Variants in DIP2B observed in about 807,000 individuals in gnomAD.
DIP2B encodes disco-interacting protein 2 homolog B.
DIP2B carries 76 observed loss-of-function variants against 198.0 expected under a neutral mutation model. The ratio of observed to expected loss-of-function variants is 0.38; its 90% CI spans 0.32 to 0.46. The LOEUF (loss-of-function observed/expected upper bound fraction) is 0.46. Ranked by LOEUF, DIP2B falls within the 20% of genes least tolerant of loss-of-function variation. The pLI is 0.99. For synonymous variants in DIP2B, 701 were observed against 739.1 expected, an observed-to-expected ratio of 0.95 and a Z score of 0.84; for missense variants, 1,559 against 1,978.4, an observed-to-expected ratio of 0.79 and a Z score of 4.02.
At chr12:50,720,303 C>CA (rs1373271380) in intron 25 of DIP2B, among the ~76,000 whole-genome samples, 1 of 152,042 alleles carries the variant, frequency 6.6e-6, no homozygotes, top group Non-Finnish European at 1.5e-5. Context: ...GTCACAGGCT[C>CA]AAAGTCTGTG....
Position 50,737,232 on chromosome 12 carries a change from T to C in DIP2B, c.4176+122T>C. 7.9e-6 allele frequency: 7 copies of C among 886,244 alleles called. No individual in the cohort carries two copies. In the South Asian group the frequency reaches 1.2e-4, roughly 15 times the overall value. The allele number at this position is 886,244 out of a possible 1,614,324, so 54.9% of individuals were successfully genotyped here. On this transcript the variant is annotated intron_variant, in intron 35 of 37. Transcript: ENST00000301180. ...CCCCGTTGTGAATGGAGTTAATTTT[T>C]TTCTGTAAGGCATGAGACTGAAATT...
At chr12:50,638,518 G>T (rs1350330445) in intron 2 of DIP2B, among the ~76,000 whole-genome samples, 3 of 152,122 alleles carry the variant, frequency 2.0e-5, no homozygotes, top group East Asian at 1.9e-4. Flanking sequence ...ATTTGTAATG[G>T]CATATAGTAT....
chr12:50,684,913 G>A (rs1415024089), intron 10 of DIP2B, among the ~76,000 whole-genome samples: 2 of 152,050 alleles, frequency 1.3e-5, no homozygotes, highest in South Asian at 2.1e-4. Flanking sequence ...CCAACATGAC[G>A]AAACCCTGTC....
At chr12:50,734,492 TAA>T (rs1171560422) in intron 33 of DIP2B, among the ~76,000 whole-genome samples, 2 of 152,240 alleles carry the variant, frequency 1.3e-5, no homozygotes, top group Non-Finnish European at 2.9e-5. Flanking sequence ...CTCTTTCCTC[TAA>T]GAGTTTAAAA....
chr12:50,602,463 G>A (rs1006069522), intron 1 of DIP2B, among the ~76,000 whole-genome samples: 1 of 151,986 alleles, frequency 6.6e-6, no homozygotes. Context: ...GAGACATGTT[G>A]CCCAGCTGGT....
At chr12:50,680,964 C>T (rs539380978) in intron 9 of DIP2B, among the ~76,000 whole-genome samples, 8 of 152,238 alleles carry the variant, frequency 5.3e-5, no homozygotes, top group Admixed American at 3.9e-4. Context: ...GAAGGAAATT[C>T]GCATGTCCTT....
chr12:50,724,484 T>G (rs1036086312), intron 27 of DIP2B, among the ~76,000 whole-genome samples: 3 of 152,216 alleles, frequency 2.0e-5, no homozygotes, highest in African/African-American at 7.2e-5. Context: ...TCATGAAATC[T>G]TGGGATTGTG....
intron 8 of DIP2B, 98 bp downstream of exon 8, chr12:50,678,974 T>G: frequency 7.5e-7 from 1 of 1,325,756 alleles, no homozygotes; most frequent in Non-Finnish European, 1.0e-6. Context: ...CTGGCCATTA[T>G]GTTTCAGTAG....
rs145725829 is a variant in DIP2B, at chr12:50,574,844, G to C, written c.101-51132G>C. On this transcript the variant is annotated intron_variant, in intron 1 of 37. Coordinates refer to ENST00000301180, the MANE Select transcript of DIP2B (RefSeq NM_173602.3). ...TAGGGAAGAGACCTTGTAACAATTGGCCTCTTGGAAATTGCAGCCAAGGTT... is the reference window on the plus strand; with the variant it reads ...TAGGGAAGAGACCTTGTAACAATTGCCCTCTTGGAAATTGCAGCCAAGGTT... Among the ~76,000 whole-genome samples, 41 of 152,292 alleles carry C rather than the reference G, an allele frequency of 2.7e-4. 1 individual carries two copies. In the East Asian group the frequency reaches 7.7e-3, roughly 29 times the overall value.
Position 50,523,154 on chromosome 12 carries a change from G to T in DIP2B, c.100+17914G>T, listed in dbSNP as rs115094398. Reference sequence around the variant, plus strand: ...TTTCTTCGTAGGGGATTGGTTCCGGGACTCCCCTCAGTTACCAAAATCCAA... The same window carrying T: ...TTTCTTCGTAGGGGATTGGTTCCGGTACTCCCCTCAGTTACCAAAATCCAA... On this transcript the variant is annotated intron_variant, in intron 1 of 37. Coordinates refer to ENST00000301180, the MANE Select transcript of DIP2B (RefSeq NM_173602.3). Among the ~76,000 whole-genome samples, 487 of 152,204 alleles carry T rather than the reference G, an allele frequency of 3.2e-3. 1 individual carries two copies. Among genetic ancestry groups the T allele is most frequent in the African/African-American group, 0.011 (468 of 41,520 alleles).
intron 1 of DIP2B, among the ~76,000 whole-genome samples, chr12:50,561,603 A>G (rs1958519825): frequency 6.6e-6 from 1 of 151,110 alleles, no homozygotes; most frequent in African/African-American, 2.4e-5. Context: ...TTGCATATAT[A>G]AATTTGTTGT....
chr12:50,513,348 G>A (rs1365492261), intron 1 of DIP2B, among the ~76,000 whole-genome samples: 1 of 152,176 alleles, frequency 6.6e-6, no homozygotes, highest in Non-Finnish European at 1.5e-5. Context: ...GACTAGAGCA[G>A]AAGACTTGCT....
At position 50,568,129 on chromosome 12, in the gene DIP2B, TTGAC is replaced by T. The variant is rs200822026; in HGVS notation, c.101-57842_101-57839del. ...CAGTTCTCAGTGTTTGCTCTGCTGT[TTGAC>T]TGACCCTGCCTAAGCACTAATCAGG... On this transcript the variant is annotated intron_variant, in intron 1 of 37. Transcript: ENST00000301180. Among the ~76,000 whole-genome samples the T allele has an allele frequency of 7.5e-4, 115 of 152,354 alleles. 1 individual carries two copies. The East Asian group carries it at 0.014, about 18-fold the overall frequency.
At chr12:50,735,446 G>GT (rs910953740) in intron 34 of DIP2B, among the ~76,000 whole-genome samples, 16 of 137,716 alleles carry the variant, frequency 1.2e-4, no homozygotes, top group Admixed American at 3.1e-4. Flanking sequence ...TTTTTTCATG[G>GT]TTTTTTTTGT....
intron 1 of DIP2B, among the ~76,000 whole-genome samples, chr12:50,623,431 A>T (rs200101287): frequency 0.086 from 4,445 of 51,654 alleles, 162 homozygotes; most frequent in East Asian, 0.25. Context: ...ACACACACAC[A>T]CACACACTCT....
At chr12:50,742,244 A>T (rs188656734) in intron 37 of DIP2B, among the ~76,000 whole-genome samples, 11 of 151,814 alleles carry the variant, frequency 7.2e-5, no homozygotes, top group South Asian at 6.3e-4. Context: ...CAAAAAAATT[A>T]AAAAAATAGC....
chr12:50,547,652 T>TA (rs531699490), intron 1 of DIP2B, among the ~76,000 whole-genome samples: 203 of 152,076 alleles, frequency 1.3e-3, no homozygotes, highest in South Asian at 4.8e-3. Context: ...CTAAAACTGC[T>TA]AAAAAAAATA....
At chr12:50,567,140 C>A (rs1958572088) in intron 1 of DIP2B, among the ~76,000 whole-genome samples, 1 of 151,792 alleles carries the variant, frequency 6.6e-6, no homozygotes, top group African/African-American at 2.4e-5. Context: ...CCATTTGGTT[C>A]TTTAAAAAAC....
intron 3 of DIP2B, among the ~76,000 whole-genome samples, chr12:50,659,388 GC>G (rs1938607249): frequency 6.6e-6 from 1 of 152,018 alleles, no homozygotes; most frequent in African/African-American, 2.4e-5. Flanking sequence ...TGTGGATTAG[GC>G]CCATTCCTAG....
Sources: gnomAD v4.1 joint callset for allele counts (sites outside exome capture counted in the v4.1 genomes callset) on GRCh38, gnomAD v4.1.1 for gene constraint, MANE v1.5 for transcripts, NCBI Gene and HGNC (gene_info 2026-07-23, HGNC 2026-07-21) for gene names.